GRAMD1B: variants seen among roughly 807,000 people sequenced by gnomAD.
GRAMD1B encodes GRAM domain containing 1B.
GRAMD1B carries 37 observed loss-of-function variants against 99.7 expected under a neutral mutation model. The observed-to-expected ratio is 0.37, with a 90% confidence interval of 0.29 to 0.49. GRAMD1B has a LOEUF of 0.49. GRAMD1B is among the 20% of genes least tolerant of loss of function. GRAMD1B has a pLI of 0.98. For synonymous variants in GRAMD1B, 427 were observed against 387.6 expected (o/e 1.10, Z -1.19); for missense variants, 888 against 1,009.2 (o/e 0.88, Z 1.63).
chr11:123,527,363 A>T (rs1208010403), intron 2 of GRAMD1B, among the ~76,000 whole-genome samples: 1 of 152,082 alleles, frequency 6.6e-6, no homozygotes, highest in African/African-American at 2.4e-5. Flanking sequence ...CCTGTAGGGA[A>T]CAGGGCCCTT....
chr11:123,430,863 C>T lies in GRAMD1B; in HGVS notation c.71C>T (p.Pro24Leu). 1 of 701,808 alleles carries T rather than the reference C, an allele frequency of 1.4e-6. No homozygotes were observed. The highest frequency in any genetic ancestry group is 2.6e-6 in the Non-Finnish European group (1 of 384,604). 43.5% of individuals were successfully genotyped at this position (701,808 alleles called of 1,614,324 possible). ...CAGGTGCCCGAGCCGCAGGGTGCGCCCGAGGGCAGCCCGGTCTGGTCCAGT... is the reference window on the plus strand; with the variant it reads ...CAGGTGCCCGAGCCGCAGGGTGCGCTCGAGGGCAGCCCGGTCTGGTCCAGT... ...ALQVPEPQGA[P>L]EGSPVWSSSS... The change falls in exon 1 of 20, where the codon CCC becomes CTC. Residue 24 changes from proline (P) to leucine (L), a missense_variant. By Grantham distance (98) the Pro-to-Leu change is moderately conservative (BLOSUM62 -3). Coordinates refer to ENST00000635736, the MANE Select transcript of GRAMD1B (RefSeq NM_001387025.1).
At chr11:123,560,390 G>C (rs1427384403) in intron 2 of GRAMD1B, 2 of 1,175,802 alleles carry the variant, frequency 1.7e-6, no homozygotes, top group Non-Finnish European at 2.1e-6. Context: ...AGGTGGGGGA[G>C]AGGGAAATAA....
intron 2 of GRAMD1B, among the ~76,000 whole-genome samples, chr11:123,500,150 G>A (rs1309008192): frequency 1.3e-5 from 2 of 152,050 alleles, no homozygotes; most frequent in Non-Finnish European, 2.9e-5. Flanking sequence ...GTGAAACCCC[G>A]TCTCTACTAA....
chr11:123,478,171 A>G (rs1485743146), intron 1 of GRAMD1B, among the ~76,000 whole-genome samples: 1 of 151,324 alleles, frequency 6.6e-6, no homozygotes, highest in Non-Finnish European at 1.5e-5. Context: ...GTACACCATC[A>G]TGCCTGGCTA....
At chr11:123,563,208 G>A (rs1946975526) in intron 2 of GRAMD1B, among the ~76,000 whole-genome samples, 1 of 152,218 alleles carries the variant, frequency 6.6e-6, no homozygotes, top group South Asian at 2.1e-4. Context: ...AGGACCTCTG[G>A]TAGGAAGCCA....
intron 2 of GRAMD1B, among the ~76,000 whole-genome samples, chr11:123,537,589 G>T (rs1047924339): frequency 1.3e-4 from 20 of 152,284 alleles, no homozygotes; most frequent in African/African-American, 4.6e-4. Context: ...TCTTGCATCT[G>T]TTAACTCTGG....
intron 2 of GRAMD1B, among the ~76,000 whole-genome samples, chr11:123,497,947 C>T (rs748130005): frequency 3.3e-5 from 5 of 151,172 alleles, no homozygotes; most frequent in Non-Finnish European, 5.9e-5. Flanking sequence ...GCATATAAAC[C>T]ACAAGAAAAA....
Position 123,597,974 on chromosome 11 carries a change from T to C in GRAMD1B, c.969+1937T>C, listed in dbSNP as rs1024164259. 10 of 1,198,860 alleles carry C rather than the reference T, an allele frequency of 8.3e-6. No homozygotes were observed. In the Admixed American group the frequency reaches 1.7e-4, roughly 20 times the overall value. 74.3% of individuals were successfully genotyped at this position (1,198,860 alleles called of 1,614,324 possible). A position where few individuals can be genotyped will look rare whatever the true frequency, so the allele number is the denominator to read the frequency against. ...CAGTCCTTGTTTTTTCAGATCCTCA[T>C]ATGTCTTCTTATTCACAGCATTCCC... On this transcript the variant is annotated intron_variant, in intron 7 of 19. Transcript: ENST00000635736.
In GRAMD1B at chr11:123,401,819, G is replaced by A. The variant is rs905405015; in HGVS notation, c.-176+43020G>A. On this transcript the variant is annotated intron_variant, in intron 1 of 20. Coordinates refer to the GRAMD1B transcript ENST00000638157. ...AGCTACTCAGAAAGCTGAGGTGAAA[G>A]GATAGCTTGAGCCTGGGAGGTTGAG... Among the ~76,000 whole-genome samples, 24 of 152,276 alleles carry A rather than the reference G, an allele frequency of 1.6e-4. No individual in the cohort carries two copies. In the East Asian group the frequency reaches 4.6e-3, roughly 29 times the overall value.
At position 123,603,536 on chromosome 11, in the gene GRAMD1B, A is replaced by T; in HGVS notation, c.1161A>T (p.Thr387=). 6.2e-7 allele frequency: 1 copy of T among 1,603,448 alleles called. No homozygotes were observed. Among genetic ancestry groups the T allele is most frequent in the Non-Finnish European group, 8.5e-7 (1 of 1,170,280 alleles). Residue 387 remains threonine, a synonymous_variant, in exon 9 of 20, where the codon ACA becomes ACT. Coordinates refer to ENST00000635736, the MANE Select transcript of GRAMD1B (RefSeq NM_001387025.1). ...DYVPPDDDFN[T]MGYCEEIPVE... is the part of the protein sequence containing the mutation. The stretch of plus-strand genomic sequence containing the variant: ...TGCCCCCTGACGACGACTTCAACAC[A>T]ATGGGGTGAGTGAGGCCAAGGGCGG...
intron 2 of GRAMD1B, chr11:123,560,197 G>A (rs1042068728): frequency 2.9e-6 from 3 of 1,031,854 alleles, no homozygotes; most frequent in Admixed American, 5.3e-5. Context: ...GTGCGCGTGT[G>A]CGTGTCTGCG....
At chr11:123,439,447 A>G (rs1450672071) in intron 1 of GRAMD1B, among the ~76,000 whole-genome samples, 1 of 152,210 alleles carries the variant, frequency 6.6e-6, no homozygotes, top group Non-Finnish European at 1.5e-5. Context: ...AGATATTGTC[A>G]TATAGCTCGA....
chr11:123,455,303 C>T (rs1273250585), intron 1 of GRAMD1B, among the ~76,000 whole-genome samples: 2 of 151,982 alleles, frequency 1.3e-5, no homozygotes, highest in East Asian at 1.9e-4. Context: ...TTTATAAAAA[C>T]GAGGGTCTTA....
At chr11:123,606,190 G>C (rs1391991797) in intron 10 of GRAMD1B, among the ~76,000 whole-genome samples, 1 of 152,230 alleles carries the variant, frequency 6.6e-6, no homozygotes. Flanking sequence ...AAAATGTAAA[G>C]AGTTGTATCG....
At chr11:123,563,484 G>T (rs1185795859) in intron 2 of GRAMD1B, among the ~76,000 whole-genome samples, 1 of 151,808 alleles carries the variant, frequency 6.6e-6, no homozygotes, top group Non-Finnish European at 1.5e-5. Flanking sequence ...GGGATTAAGT[G>T]CAATATAACA....
At chr11:123,613,411 A>G (rs373657422) in intron 15 of GRAMD1B, 44 bp from the exon 16 acceptor site, 31 of 1,366,948 alleles carry the variant, frequency 2.3e-5, no homozygotes, top group Middle Eastern at 3.7e-4. Flanking sequence ...GTTGCATTGG[A>G]GGGCTGAAGG....
intron 1 of GRAMD1B, among the ~76,000 whole-genome samples, chr11:123,367,075 C>A (rs1565452160): frequency 6.6e-6 from 1 of 151,910 alleles, no homozygotes; most frequent in African/African-American, 2.4e-5. Flanking sequence ...TGATGGCATG[C>A]GTCTGTAGTC....
chr11:123,449,714 CTTTT>C (rs767104181), intron 1 of GRAMD1B, among the ~76,000 whole-genome samples: 13 of 99,982 alleles, frequency 1.3e-4, no homozygotes, highest in Non-Finnish European at 1.9e-4. Context: ...CCATGCCTGG[CTTTT>C]TTTTTTTTTT....
intron 2 of GRAMD1B, among the ~76,000 whole-genome samples, chr11:123,548,323 T>TACACACACAC (rs1288714416): frequency 1.9e-4 from 19 of 100,476 alleles, no homozygotes; most frequent in African/African-American, 4.5e-4. Context: ...TATATATATA[T>TACACACACAC]ATACACACAC....
Sources: allele counts gnomAD v4.1 joint callset (sites outside exome capture counted in the v4.1 genomes callset), GRCh38; gene constraint gnomAD v4.1.1; transcripts MANE v1.5; gene names NCBI Gene and HGNC (gene_info 2026-07-23, HGNC 2026-07-21).